Variants in GALNT13 observed in about 807,000 individuals in gnomAD.
GALNT13 encodes UDP-GalNAc:polypeptide N-acetylgalactosaminyltransferase 13.
In GALNT13, 28 loss-of-function variants were observed where a neutral mutation model predicts 64.2. The observed-to-expected ratio is 0.44, with a 90% CI of 0.32 to 0.60. The LOEUF (loss-of-function observed/expected upper bound fraction) is 0.60. Ranked by LOEUF, GALNT13 falls within the 20% of genes least tolerant of loss-of-function variation. GALNT13 has a pLI of 0.05. For missense variants in GALNT13, 577 were observed against 669.8 expected (o/e 0.86, Z 1.53); for synonymous variants, 214 against 224.6 (o/e 0.95, Z 0.42).
the GALNT13 span, among the ~76,000 whole-genome samples, chr2:153,471,090 G>A: frequency 2.0e-5 from 3 of 152,092 alleles, no homozygotes; most frequent in Non-Finnish European, 4.4e-5. Flanking sequence ...AGTATTTCAG[G>A]CCCCATGCTA....
At chr2:153,134,312 G>A in the GALNT13 span, among the ~76,000 whole-genome samples, 1 of 151,986 alleles carries the variant, frequency 6.6e-6, no homozygotes, top group Non-Finnish European at 1.5e-5. Context: ...ATTTCGCTTT[G>A]GAAATGAGTC....
the GALNT13 span, among the ~76,000 whole-genome samples, chr2:153,857,679 T>C: frequency 6.6e-6 from 1 of 152,176 alleles, no homozygotes; most frequent in Non-Finnish European, 1.5e-5. Context: ...TTTTAAAACT[T>C]TTTCTTGAAA....
chr2:153,800,084 C>CTCTCTCTCTCTCTCTCTCTCTCT, the GALNT13 span, among the ~76,000 whole-genome samples: 43 of 145,674 alleles, frequency 3.0e-4, no homozygotes, highest in Non-Finnish European at 4.4e-4. Flanking sequence ...CTCTCTCTCT[C>CTCTCTCTCTCTCTCTCTCTCTCT]CACCCCCCAC....
chr2:154,343,959 A>T (rs1331059088), intron 9 of GALNT13, among the ~76,000 whole-genome samples: 1 of 152,034 alleles, frequency 6.6e-6, no homozygotes, highest in African/African-American at 2.4e-5. Flanking sequence ...CTATTTATAG[A>T]TAGAATATTT....
the GALNT13 span, among the ~76,000 whole-genome samples, chr2:153,280,437 G>C: frequency 6.6e-6 from 1 of 151,950 alleles, no homozygotes; most frequent in East Asian, 1.9e-4. Context: ...TGTTTTTCTA[G>C]TTACTCTAAG....
intron 1 of GALNT13, among the ~76,000 whole-genome samples, chr2:153,874,156 A>G (rs1686196964): frequency 8.0e-6 from 1 of 125,370 alleles, no homozygotes; most frequent in African/African-American, 3.2e-5. Flanking sequence ...GAACCTTCAT[A>G]TTGAAACCCT....
At chr2:153,628,933 C>G in the GALNT13 span, among the ~76,000 whole-genome samples, 1 of 152,110 alleles carries the variant, frequency 6.6e-6, no homozygotes, top group Non-Finnish European at 1.5e-5. Flanking sequence ...ACCAGTTCCT[C>G]CTTGTACCTC....
intron 8 of GALNT13, among the ~76,000 whole-genome samples, chr2:154,269,906 G>GTACATATA (rs1553506239): frequency 4.1e-5 from 4 of 96,860 alleles, no homozygotes; most frequent in Non-Finnish European, 6.3e-5. Context: ...ATATATATGT[G>GTACATATA]TATATATATA....
chr2:153,505,595 C>T, the GALNT13 span, among the ~76,000 whole-genome samples: 13 of 151,850 alleles, frequency 8.6e-5, no homozygotes, highest in South Asian at 4.2e-4. Flanking sequence ...TTTAAAAATT[C>T]GTTTCATTGT....
the GALNT13 span, among the ~76,000 whole-genome samples, chr2:153,670,194 C>T: frequency 6.6e-6 from 1 of 152,196 alleles, no homozygotes; most frequent in South Asian, 2.1e-4. Flanking sequence ...AGCAGTGGTT[C>T]TCCCAGCATG....
At chr2:153,908,779 A>ATT (rs35985959) in intron 2 of GALNT13, among the ~76,000 whole-genome samples, 4 of 151,836 alleles carry the variant, frequency 2.6e-5, no homozygotes, top group East Asian at 1.9e-4. Flanking sequence ...GTACCATGCC[A>ATT]TTTTTTTATT....
intron 2 of GALNT13, among the ~76,000 whole-genome samples, chr2:153,911,913 G>A (rs1688967262): frequency 6.6e-6 from 1 of 151,994 alleles, no homozygotes; most frequent in Admixed American, 6.6e-5. Flanking sequence ...GTATTTTGTG[G>A]GGGTTCTCTG....
At chr2:154,225,157 AGAT>A (rs367806039) in intron 4 of GALNT13, among the ~76,000 whole-genome samples, 1,787 of 64,226 alleles carry the variant, frequency 0.028, 18 homozygotes, top group African/African-American at 0.03. Context: ...ACAGATAGAT[AGAT>A]GATAGATAGA....
At chr2:153,541,500 G>A in the GALNT13 span, among the ~76,000 whole-genome samples, 1 of 152,096 alleles carries the variant, frequency 6.6e-6, no homozygotes, top group African/African-American at 2.4e-5. Context: ...CTTCTCCAGT[G>A]TGGGTCATAG....
At chr2:153,522,706 A>G in the GALNT13 span, among the ~76,000 whole-genome samples, 1 of 151,786 alleles carries the variant, frequency 6.6e-6, no homozygotes, top group East Asian at 1.9e-4. Context: ...TTTTAATTGG[A>G]TGTTTTCTTA....
the GALNT13 span, among the ~76,000 whole-genome samples, chr2:153,094,258 T>C: frequency 6.6e-6 from 1 of 152,176 alleles, no homozygotes; most frequent in African/African-American, 2.4e-5. Context: ...TAGGCACTTA[T>C]AGCTATAACT....
At chr2:153,589,762 T>C in the GALNT13 span, among the ~76,000 whole-genome samples, 1 of 152,164 alleles carries the variant, frequency 6.6e-6, no homozygotes, top group South Asian at 2.1e-4. Context: ...GTGAGACTTA[T>C]TCACTATCAC....
chr2:154,346,171 T>C (rs1696056856), intron 9 of GALNT13, among the ~76,000 whole-genome samples: 1 of 151,898 alleles, frequency 6.6e-6, no homozygotes, highest in Non-Finnish European at 1.5e-5. Context: ...AGGGAAATGA[T>C]ATATATATAT....
chr2:153,907,519 C>T (rs1461880991), intron 2 of GALNT13, among the ~76,000 whole-genome samples: 1 of 151,728 alleles, frequency 6.6e-6, no homozygotes, highest in South Asian at 2.1e-4. Context: ...AGCCTCGTAC[C>T]TAATGGTTAT....
Sources: allele counts gnomAD v4.1 joint callset (sites outside exome capture counted in the v4.1 genomes callset), GRCh38; gene constraint gnomAD v4.1.1; transcripts MANE v1.5; gene names NCBI Gene and HGNC (gene_info 2026-07-23, HGNC 2026-07-21).